PCNX2: variants seen among roughly 807,000 people sequenced by gnomAD.
The protein encoded by PCNX2 is pecanex 2.
In PCNX2, 168 loss-of-function variants were observed where a neutral mutation model predicts 223.8. The ratio of observed to expected loss-of-function variants is 0.75; its 90% CI spans 0.66 to 0.85. The LOEUF is 0.85. Among genes scored for constraint, PCNX2 ranks in the 40% least tolerant of loss-of-function variants. The probability of loss-of-function intolerance (pLI) is 0.00; values close to 1 mark genes in which losing one functional copy is unlikely to be tolerated. For synonymous variants in PCNX2, 1,006 were observed against 1,052.6 expected (o/e 0.96, Z 0.86); for missense variants, 2,507 against 2,675.5 (o/e 0.94, Z 1.39).
chr1:233,222,542 T>TA (rs200533523), intron 10 of PCNX2, among the ~76,000 whole-genome samples: 11 of 150,160 alleles, frequency 7.3e-5, no homozygotes, highest in South Asian at 2.1e-4. Context: ...TGTGAGAAGT[T>TA]AAAAAAAAAT....
chr1:233,036,595 A>G (rs1463277230), intron 25 of PCNX2, among the ~76,000 whole-genome samples: 2 of 151,332 alleles, frequency 1.3e-5, no homozygotes, highest in Admixed American at 1.3e-4. Context: ...GCAACACTGC[A>G]CTCCAGCCTG....
At chr1:233,089,878 C>A in intron 23 of PCNX2, 183 bp downstream of exon 23, 1 of 1,378,446 alleles carries the variant, frequency 7.3e-7, no homozygotes, top group Non-Finnish European at 9.3e-7. Context: ...ATGTTCTTTC[C>A]AGATCCCTGA....
intron 8 of PCNX2, among the ~76,000 whole-genome samples, chr1:233,249,634 G>C (rs1467829359): frequency 1.3e-5 from 2 of 152,206 alleles, no homozygotes; most frequent in Non-Finnish European, 2.9e-5. Context: ...ACGGCAAGTG[G>C]GGCATGAACA....
intron 21 of PCNX2, among the ~76,000 whole-genome samples, chr1:233,134,487 A>G (rs1386674878): frequency 6.6e-6 from 1 of 152,212 alleles, no homozygotes; most frequent in African/African-American, 2.4e-5. Context: ...AAATACTCCA[A>G]GAGACCCTGC....
intron 17 of PCNX2, among the ~76,000 whole-genome samples, chr1:233,171,048 A>G (rs547887353): frequency 6.6e-6 from 1 of 152,294 alleles, no homozygotes; most frequent in Admixed American, 6.5e-5. Context: ...GGGACATTCA[A>G]TCTGTATCTT....
At chr1:233,293,143 C>G (rs1241516118) in intron 1 of PCNX2, among the ~76,000 whole-genome samples, 2 of 152,046 alleles carry the variant, frequency 1.3e-5, no homozygotes, top group African/African-American at 2.4e-5. Context: ...ACGTAGACAT[C>G]AAATCTTAAG....
intron 32 of PCNX2, among the ~76,000 whole-genome samples, chr1:232,987,264 C>T (rs1410282511): frequency 6.6e-6 from 1 of 152,230 alleles, no homozygotes; most frequent in Non-Finnish European, 1.5e-5. Context: ...ACTGGACTAC[C>T]CCCAAAGATG....
intron 25 of PCNX2, among the ~76,000 whole-genome samples, chr1:233,038,637 G>T (rs940901360): frequency 1.3e-5 from 2 of 152,150 alleles, no homozygotes; most frequent in African/African-American, 4.8e-5. Flanking sequence ...GGATTTGAAA[G>T]ATTACTCAAT....
chr1:233,119,241 G>A (rs2102989542), intron 21 of PCNX2, among the ~76,000 whole-genome samples: 1 of 151,746 alleles, frequency 6.6e-6, no homozygotes, highest in African/African-American at 2.4e-5. Context: ...ACAGACTTAA[G>A]TATAAAACGA....
At chr1:233,075,259 C>A (rs1673039903) in intron 23 of PCNX2, among the ~76,000 whole-genome samples, 1 of 152,160 alleles carries the variant, frequency 6.6e-6, no homozygotes. Flanking sequence ...ATAAAATAAA[C>A]TAATGACACA....
intron 21 of PCNX2, among the ~76,000 whole-genome samples, chr1:233,104,162 C>T (rs1452329424): frequency 6.6e-6 from 1 of 151,810 alleles, no homozygotes; most frequent in African/African-American, 2.4e-5. Flanking sequence ...ATAAAGCCAA[C>T]AAAAAATACC....
intron 21 of PCNX2, among the ~76,000 whole-genome samples, chr1:233,113,744 G>A (rs1342931916): frequency 2.6e-5 from 4 of 152,218 alleles, no homozygotes; most frequent in African/African-American, 9.6e-5. Context: ...CATCCTGGGT[G>A]GCAGCTGAGA....
chr1:233,324,914 T>C, the PCNX2 span, among the ~76,000 whole-genome samples: 1 of 152,248 alleles, frequency 6.6e-6, no homozygotes, highest in East Asian at 1.9e-4. Context: ...TTAAGCCCAC[T>C]GTTAAGAGCT....
At chr1:233,123,040 C>A (rs1384403769) in intron 21 of PCNX2, among the ~76,000 whole-genome samples, 1 of 152,112 alleles carries the variant, frequency 6.6e-6, no homozygotes, top group African/African-American at 2.4e-5. Context: ...CCTAAGGAAA[C>A]AGGATAACTC....
intron 23 of PCNX2, among the ~76,000 whole-genome samples, chr1:233,060,596 T>C (rs917599329): frequency 3.9e-5 from 6 of 152,210 alleles, no homozygotes; most frequent in African/African-American, 1.4e-4. Context: ...GTAAATTTGG[T>C]GCTTACCCCT....
At chr1:233,293,838 G>T in intron 1 of PCNX2, 1 of 523,056 alleles carries the variant, frequency 1.9e-6, no homozygotes, top group Non-Finnish European at 2.5e-6. Context: ...GGTCTAGTGA[G>T]CAGCAGAACC....
chr1:233,130,067 CCA>C (rs1676377935), intron 21 of PCNX2, among the ~76,000 whole-genome samples: 1 of 152,088 alleles, frequency 6.6e-6, no homozygotes, highest in Admixed American at 6.5e-5. Context: ...ATGAACAACT[CCA>C]GACACGCTGC....
intron 10 of PCNX2, among the ~76,000 whole-genome samples, chr1:233,220,896 T>C (rs892499825): frequency 7.2e-5 from 11 of 152,156 alleles, no homozygotes; most frequent in African/African-American, 2.7e-4. Flanking sequence ...TAGATAGCTA[T>C]AGAGATGATT....
chr1:233,091,859 T>C (rs571630356), intron 22 of PCNX2, among the ~76,000 whole-genome samples: 26 of 151,734 alleles, frequency 1.7e-4, no homozygotes, highest in Admixed American at 3.3e-4. Context: ...TCCATTCCAA[T>C]GTTGAATTGT....
Sources: gnomAD v4.1 joint callset for allele counts (sites outside exome capture counted in the v4.1 genomes callset) on GRCh38, gnomAD v4.1.1 for gene constraint, MANE v1.5 for transcripts, NCBI Gene and HGNC (gene_info 2026-07-23, HGNC 2026-07-21) for gene names.